The following WDPCP variants were observed in gnomAD, a reference collection of about 807,000 sequenced individuals.
WDPCP encodes the protein WD repeat-containing and planar cell polarity effector protein fritz homolog.
In WDPCP, 71 loss-of-function variants were observed where a neutral mutation model predicts 93.1. That is an observed-to-expected ratio of 0.76 (90% CI 0.63 to 0.93). The LOEUF is 0.93. WDPCP is among the 40% of genes least tolerant of loss of function. WDPCP has a pLI of 0.00. For synonymous variants in WDPCP, 315 were observed against 315.0 expected (o/e 1.00, Z 0.00); for missense variants, 844 against 887.4 (o/e 0.95, Z 0.62).
chr2:63,544,296 CCAT>C (rs1021143774), intron 1 of WDPCP, among the ~76,000 whole-genome samples: 11 of 152,078 alleles, frequency 7.2e-5, no homozygotes, highest in African/African-American at 2.7e-4. Context: ...ACCATCACCA[CCAT>C]GATACCACCA....
At chr2:63,703,516 T>A (rs1326413404) in intron 2 of WDPCP, among the ~76,000 whole-genome samples, 4 of 152,252 alleles carry the variant, frequency 2.6e-5, no homozygotes, top group African/African-American at 9.6e-5. Context: ...TGCGTAAATG[T>A]CTTCTTTTGA....
intron 13 of WDPCP, among the ~76,000 whole-genome samples, chr2:63,272,582 A>T (rs1255723523): frequency 1.3e-5 from 2 of 152,250 alleles, no homozygotes; most frequent in African/African-American, 4.8e-5. Context: ...TAAAAATTTT[A>T]AAACAATCAG....
At chr2:63,756,865 T>C (rs947276724) in intron 2 of WDPCP, among the ~76,000 whole-genome samples, 1 of 152,202 alleles carries the variant, frequency 6.6e-6, no homozygotes, top group South Asian at 2.1e-4. Context: ...AGAAGTCAAG[T>C]AACCTGCTTA....
intron 1 of WDPCP, among the ~76,000 whole-genome samples, chr2:63,510,502 T>C (rs1025888322): frequency 3.3e-5 from 5 of 152,190 alleles, no homozygotes; most frequent in African/African-American, 1.2e-4. Context: ...GCTGGATGCA[T>C]TCCCTTTGAA....
chr2:63,234,991 A>C (rs965457610), intron 14 of WDPCP, among the ~76,000 whole-genome samples: 1 of 152,210 alleles, frequency 6.6e-6, no homozygotes, highest in Admixed American at 6.5e-5. Flanking sequence ...AAGAAGCTAA[A>C]TAACTAAAAT....
chr2:63,557,727 A>C (rs1461526520), intron 1 of WDPCP, among the ~76,000 whole-genome samples: 1 of 152,188 alleles, frequency 6.6e-6, no homozygotes, highest in Non-Finnish European at 1.5e-5. Context: ...CTTACTCTAA[A>C]ATCTATCACA....
intron 2 of WDPCP, among the ~76,000 whole-genome samples, chr2:63,769,290 A>T (rs760891481): frequency 2.4e-4 from 36 of 151,976 alleles, no homozygotes; most frequent in Non-Finnish European, 4.7e-4. Flanking sequence ...ACTGAGAAAA[A>T]GAAGCTCAGA....
upstream of WDPCP, chr2:63,588,946 C>T (rs577388836): frequency 2.5e-6 from 4 of 1,571,506 alleles, no homozygotes; most frequent in African/African-American, 1.3e-5. Context: ...TTCTCGCTAA[C>T]ACCGCTCGCC....
intron 14 of WDPCP, among the ~76,000 whole-genome samples, chr2:63,191,358 C>T (rs1675029396): frequency 6.6e-6 from 1 of 151,962 alleles, no homozygotes; most frequent in Non-Finnish European, 1.5e-5. Flanking sequence ...CACCACTGCA[C>T]TCCAGCCTGG....
intron 2 of WDPCP, among the ~76,000 whole-genome samples, chr2:63,769,012 G>C (rs1558906250): frequency 6.6e-6 from 1 of 151,950 alleles, no homozygotes; most frequent in Non-Finnish European, 1.5e-5. Context: ...AGGCTTTTCA[G>C]TATCAGAAGA....
intron 6 of WDPCP, among the ~76,000 whole-genome samples, chr2:63,445,217 A>G (rs1334507403): frequency 6.6e-6 from 1 of 152,204 alleles, no homozygotes; most frequent in Non-Finnish European, 1.5e-5. Flanking sequence ...AAGAATTAAA[A>G]AAAAATTAGT....
intron 2 of WDPCP, among the ~76,000 whole-genome samples, chr2:63,773,247 T>C (rs2103951960): frequency 6.6e-6 from 1 of 152,174 alleles, no homozygotes; most frequent in East Asian, 1.9e-4. Flanking sequence ...AATGGTATAC[T>C]ATATAGCAAC....
chr2:63,496,293 T>C (rs919784653), intron 1 of WDPCP, among the ~76,000 whole-genome samples: 1 of 152,224 alleles, frequency 6.6e-6, no homozygotes, highest in Non-Finnish European at 1.5e-5. Flanking sequence ...GTCAATTTAG[T>C]AATAATTTGT....
At position 63,404,256 on chromosome 2, in the gene WDPCP, G is replaced by A. The variant is rs1358121754; in HGVS notation, c.1227C>T (p.Ser409=). Residue 409 remains serine (S), a synonymous_variant, in exon 10 of 18, where the codon TCC becomes TCT. Coordinates refer to ENST00000272321, the MANE Select transcript of WDPCP (RefSeq NM_015910.7). ...CAGCCAACAGTTGGATGTTAATAGGGGATAGAGCCATATCAAAAATTTGCA... is the reference window on the plus strand; with the variant it reads ...CAGCCAACAGTTGGATGTTAATAGGAGATAGAGCCATATCAAAAATTTGCA... ...GELQIFDMAL[S]PINIQLLAED... 2.2e-5 allele frequency: 36 copies of A among 1,613,880 alleles called. No homozygotes were observed. Among genetic ancestry groups the A allele is most frequent in the Non-Finnish European group, 3.1e-5 (36 of 1,179,898 alleles).
At chr2:63,489,593 T>A (rs1700753497) in intron 2 of WDPCP, among the ~76,000 whole-genome samples, 1 of 152,022 alleles carries the variant, frequency 6.6e-6, no homozygotes, top group Non-Finnish European at 1.5e-5. Context: ...ACATTTGTTG[T>A]ACCAGAAAGA....
At chr2:63,173,691 A>G (rs1304874997) in intron 15 of WDPCP, among the ~76,000 whole-genome samples, 2 of 152,192 alleles carry the variant, frequency 1.3e-5, no homozygotes, top group Non-Finnish European at 2.9e-5. Context: ...CCCAGAAATG[A>G]TGGCTTTTGT....
chr2:63,388,800 T>A (rs1692963731), intron 10 of WDPCP, among the ~76,000 whole-genome samples: 1 of 151,984 alleles, frequency 6.6e-6, no homozygotes, highest in East Asian at 1.9e-4. Flanking sequence ...AGGGTATTGG[T>A]GATTGAAGAT....
intron 2 of WDPCP, among the ~76,000 whole-genome samples, chr2:63,704,681 G>A (rs1317703922): frequency 6.6e-6 from 1 of 152,166 alleles, no homozygotes; most frequent in Non-Finnish European, 1.5e-5. Flanking sequence ...TTTTTGATGT[G>A]TTGCTGGATT....
At chr2:63,510,668 T>C (rs1189881328) in intron 1 of WDPCP, among the ~76,000 whole-genome samples, 1 of 152,192 alleles carries the variant, frequency 6.6e-6, no homozygotes, top group African/African-American at 2.4e-5. Flanking sequence ...GACATGATTG[T>C]ATATTTAGAA....
Sources: allele counts gnomAD v4.1 joint callset (sites outside exome capture counted in the v4.1 genomes callset), GRCh38; gene constraint gnomAD v4.1.1; transcripts MANE v1.5; gene names NCBI Gene and HGNC (gene_info 2026-07-23, HGNC 2026-07-21).